TBC1D30: variants seen among roughly 807,000 people sequenced by gnomAD.
TBC1D30 encodes the protein TBC1 domain family, member 30.
Under a neutral mutation model 63.2 loss-of-function variants are expected in TBC1D30, and 31 were observed. The ratio of observed to expected loss-of-function variants is 0.49; its 90% CI spans 0.37 to 0.66. TBC1D30 has a LOEUF of 0.66. Ranked by LOEUF, TBC1D30 falls within the 30% of genes least tolerant of loss-of-function variation. TBC1D30 has a pLI of 0.00. For missense variants in TBC1D30, 810 were observed against 953.6 expected (o/e 0.85, Z 1.98); for synonymous variants, 307 against 361.5 (o/e 0.85, Z 1.71).
At position 64,824,721 on chromosome 12, in the gene TBC1D30, C is replaced by A; in HGVS notation, c.-159C>A. On this transcript the variant is annotated 5_prime_UTR_variant, in exon 1 of 12. Coordinates refer to ENST00000539867, the MANE Select transcript of TBC1D30 (RefSeq NM_015279.2). ...GCGGCTCCCGCGGTGCCCCGTAAGT[C>A]CCCGTGACCCTCCAGCACCAGCCGG... 1 of 1,032,798 alleles carries A rather than the reference C, an allele frequency of 9.7e-7. No homozygotes were observed. Among genetic ancestry groups the A allele is most frequent in the Non-Finnish European group, 1.3e-6 (1 of 745,014 alleles). The allele number at this position is 1,032,798 out of a possible 1,614,324, so 64.0% of individuals were successfully genotyped here.
chr12:64,817,490 G>A (rs1051945448), intron 2 of TBC1D30, among the ~76,000 whole-genome samples: 1 of 152,208 alleles, frequency 6.6e-6, no homozygotes, highest in Non-Finnish European at 1.5e-5. Context: ...GACCTGACCT[G>A]TGTCTCTTCA....
intron 2 of TBC1D30, among the ~76,000 whole-genome samples, chr12:64,815,218 A>C (rs976020517): frequency 6.6e-6 from 1 of 152,224 alleles, no homozygotes; most frequent in African/African-American, 2.4e-5. Flanking sequence ...TGACTTTTGA[A>C]ATACAATGCC....
upstream of TBC1D30, chr12:64,779,305 G>A (rs1871165575): frequency 1.3e-5 from 2 of 151,946 alleles, no homozygotes; most frequent in Admixed American, 6.6e-5. Flanking sequence ...GGACAACAGG[G>A]AAAAAGACCT....
At chr12:64,836,264 C>G (rs1875340666) in intron 5 of TBC1D30, among the ~76,000 whole-genome samples, 1 of 152,214 alleles carries the variant, frequency 6.6e-6, no homozygotes, top group South Asian at 2.1e-4. Context: ...AAATTTCAGA[C>G]AGCAGCGGAC....
chr12:64,768,680 C>T (rs1438046315), intron 1 of TBC1D30: 3 of 152,132 alleles, frequency 2.0e-5, no homozygotes, highest in African/African-American at 7.2e-5. Flanking sequence ...TCAGCAAATT[C>T]ATTTTCAATT....
In TBC1D30 at chr12:64,877,408, T is replaced by G. The variant is rs1458435391; in HGVS notation, c.*1620T>G. On this transcript the variant is annotated 3_prime_UTR_variant, in exon 12 of 12. Coordinates refer to ENST00000539867, the MANE Select transcript of TBC1D30 (RefSeq NM_015279.2). ...AGGCTTTTACTATGAGAGGTACTAC[T>G]TTTTATAATAGAGAATGTGGTTGTG... is the stretch of plus-strand genomic sequence containing the variant. 1 of 153,390 alleles carries G rather than the reference T, an allele frequency of 6.5e-6. No individual in the cohort carries two copies. The highest frequency in any genetic ancestry group is 1.5e-5 in the Non-Finnish European group (1 of 68,818). The allele number at this position is 153,390 out of a possible 1,614,324, so 9.5% of individuals were successfully genotyped here. A position where few individuals can be genotyped will look rare whatever the true frequency, so the allele number is the denominator to read the frequency against.
At chr12:64,840,004 CAAAAAAAA>C (rs60440376) in intron 7 of TBC1D30, among the ~76,000 whole-genome samples, 10 of 98,320 alleles carry the variant, frequency 1.0e-4, no homozygotes, top group East Asian at 2.8e-4. Context: ...GACTCTGTCT[CAAAAAAAA>C]AAAAAAAAAA....
intron 2 of TBC1D30, among the ~76,000 whole-genome samples, chr12:64,788,309 A>C (rs895476392): frequency 2.6e-5 from 4 of 152,050 alleles, no homozygotes; most frequent in Non-Finnish European, 5.9e-5. Flanking sequence ...ACACATGTCA[A>C]GTTAAAAAAT....
intron 8 of TBC1D30, among the ~76,000 whole-genome samples, chr12:64,857,283 A>G (rs980639068): frequency 2.0e-5 from 3 of 152,126 alleles, no homozygotes; most frequent in Non-Finnish European, 4.4e-5. Context: ...TCAGGGTCCA[A>G]GGACTCTTTA....
chr12:64,808,191 C>T (rs1228036217), intron 2 of TBC1D30, among the ~76,000 whole-genome samples: 1 of 152,140 alleles, frequency 6.6e-6, no homozygotes, highest in Non-Finnish European at 1.5e-5. Flanking sequence ...ATCACATTCT[C>T]TCTTGCCACA....
chr12:64,794,938 G>C (rs1872161740), intron 2 of TBC1D30, among the ~76,000 whole-genome samples: 1 of 152,158 alleles, frequency 6.6e-6, no homozygotes, highest in Admixed American at 6.5e-5. Flanking sequence ...TATTATGATA[G>C]AGACTAAAAC....
intron 8 of TBC1D30, among the ~76,000 whole-genome samples, chr12:64,844,722 G>T (rs1488490186): frequency 6.6e-6 from 1 of 152,076 alleles, no homozygotes; most frequent in Non-Finnish European, 1.5e-5. Context: ...ATCTCTATCA[G>T]TTCAATTGTT....
chr12:64,783,727 G>T (rs1871403676), intron 1 of TBC1D30, among the ~76,000 whole-genome samples: 1 of 151,290 alleles, frequency 6.6e-6, no homozygotes, highest in Non-Finnish European at 1.5e-5. Flanking sequence ...AGGCACCTTA[G>T]GGATCACTGG....
chr12:64,864,553 G>A, intron 8 of TBC1D30, 115 bp from the exon 9 acceptor site: 1 of 677,420 alleles, frequency 1.5e-6, no homozygotes. Flanking sequence ...GCTGTGTAAG[G>A]AGCAGTATCT....
In TBC1D30 at chr12:64,765,490, C is replaced by CAAAAAAAAA. The variant is rs60489979; in HGVS notation, c.-376+5863_-376+5871dup. On this transcript the variant is annotated intron_variant, in intron 1 of 13. Coordinates refer to the TBC1D30 transcript ENST00000674237. ...CTGGGCGACAGAGCAAGACTGTCTCCAAAAAAAAAAAAAAAAAAAAAAAAA... is the reference window on the plus strand; with the variant it reads ...CTGGGCGACAGAGCAAGACTGTCTCCAAAAAAAAAAAAAAAAAAAAAAAAAAAAAAAAAA... Among the ~76,000 whole-genome samples, 40 of 17,598 alleles carry CAAAAAAAAA rather than the reference C, an allele frequency of 2.3e-3. 6 individuals are homozygous for CAAAAAAAAA. The highest frequency in any genetic ancestry group is 3.2e-3 in the Non-Finnish European group (27 of 8,410). The allele number at this position is 17,598 out of a possible 152,430, so 11.5% of individuals were successfully genotyped here.
chr12:64,807,918 G>GTTTTTTTTTTTTGTTT (rs1872971083), intron 2 of TBC1D30, among the ~76,000 whole-genome samples: 1 of 93,526 alleles, frequency 1.1e-5, no homozygotes, highest in African/African-American at 5.5e-5. Flanking sequence ...CCTAATTTAA[G>GTTTTTTTTTTTTGTTT]TTTTTTTTTT....
chr12:64,763,615 T>G (rs1055844378), intron 1 of TBC1D30, among the ~76,000 whole-genome samples: 1 of 151,388 alleles, frequency 6.6e-6, no homozygotes, highest in Non-Finnish European at 1.5e-5. Context: ...TATTAATTTT[T>G]TTTTTTTTTT....
chr12:64,825,940 C>T (rs528433149), intron 1 of TBC1D30, among the ~76,000 whole-genome samples: 2 of 152,202 alleles, frequency 1.3e-5, no homozygotes, highest in South Asian at 2.1e-4. Flanking sequence ...GCAGGAGAAT[C>T]GAGCTGCAGA....
intron 9 of TBC1D30, among the ~76,000 whole-genome samples, chr12:64,865,654 G>A (rs1482779515): frequency 1.3e-5 from 2 of 152,064 alleles, no homozygotes; most frequent in Non-Finnish European, 2.9e-5. Flanking sequence ...CCAGGAATTC[G>A]AGACCAGCCT....
Sources: allele counts gnomAD v4.1 joint callset (sites outside exome capture counted in the v4.1 genomes callset), GRCh38; gene constraint gnomAD v4.1.1; transcripts MANE v1.5; gene names NCBI Gene and HGNC (gene_info 2026-07-23, HGNC 2026-07-21).